The following LHFPL6 variants were observed in gnomAD, a reference collection of about 807,000 sequenced individuals.
LHFPL6 encodes the protein LHFPL tetraspan subfamily member 6.
LHFPL6 carries 9 observed loss-of-function variants against 20.6 expected under a neutral mutation model. That is an observed-to-expected ratio of 0.44 (90% CI 0.26 to 0.76). LHFPL6 has a LOEUF of 0.76. Ranked by LOEUF, LHFPL6 falls within the 30% of genes least tolerant of loss-of-function variation. The pLI, the probability that LHFPL6 is intolerant of heterozygous loss-of-function variation, is 0.20. For synonymous variants in LHFPL6, 105 were observed against 98.7 expected (o/e 1.06, Z -0.38); for missense variants, 218 against 253.5 (o/e 0.86, Z 0.95).
At chr13:39,554,277 G>C (rs1169555421) in intron 2 of LHFPL6, among the ~76,000 whole-genome samples, 1 of 152,088 alleles carries the variant, frequency 6.6e-6, no homozygotes, top group African/African-American at 2.4e-5. Context: ...CATACCACAA[G>C]TAAAAGTCTT....
intron 2 of LHFPL6, among the ~76,000 whole-genome samples, chr13:39,515,952 C>A (rs1440178919): frequency 6.6e-6 from 1 of 152,314 alleles, no homozygotes; most frequent in Middle Eastern, 3.4e-3. Flanking sequence ...AAGAGTTATA[C>A]ATAATTACAG....
intron 2 of LHFPL6, among the ~76,000 whole-genome samples, chr13:39,544,454 G>A (rs758412155): frequency 6.6e-6 from 1 of 152,190 alleles, no homozygotes; most frequent in African/African-American, 2.4e-5. Context: ...ATGAATAGAA[G>A]ATAGCCTCCC....
At chr13:39,524,345 A>AAG (rs1555266391) in intron 2 of LHFPL6, among the ~76,000 whole-genome samples, 1 of 6,422 alleles carries the variant, frequency 1.6e-4, no homozygotes, top group Non-Finnish European at 2.9e-4. Flanking sequence ...TAAGGCCTAG[A>AAG]AAAAAAAAAA....
intron 2 of LHFPL6, among the ~76,000 whole-genome samples, chr13:39,516,406 T>TC (rs1869918839): frequency 6.6e-6 from 1 of 152,248 alleles, no homozygotes; most frequent in Non-Finnish European, 1.5e-5. Flanking sequence ...GATTTTGCTG[T>TC]CATGGGGTAA....
At chr13:39,553,649 C>A (rs1024270945) in intron 2 of LHFPL6, among the ~76,000 whole-genome samples, 1 of 152,204 alleles carries the variant, frequency 6.6e-6, no homozygotes, top group East Asian at 1.9e-4. Context: ...CAGTGTGAGG[C>A]TGCAGTGAAC....
intron 2 of LHFPL6, among the ~76,000 whole-genome samples, chr13:39,591,968 C>T (rs1219194604): frequency 7.2e-5 from 11 of 152,034 alleles, no homozygotes; most frequent in Middle Eastern, 3.4e-3. Flanking sequence ...TGATGGCAGG[C>T]GCCTGTAATC....
intron 2 of LHFPL6, among the ~76,000 whole-genome samples, chr13:39,574,809 C>T (rs563272636): frequency 1.1e-4 from 16 of 152,064 alleles, no homozygotes; most frequent in South Asian, 4.2e-4. Context: ...TGGTGGCTCA[C>T]GCCTATAATC....
At chr13:39,512,409 T>G (rs1869743807) in intron 2 of LHFPL6, among the ~76,000 whole-genome samples, 1 of 152,092 alleles carries the variant, frequency 6.6e-6, no homozygotes. Flanking sequence ...GAGACCATCC[T>G]GGCTAACACG....
intron 3 of LHFPL6, among the ~76,000 whole-genome samples, chr13:39,373,112 T>C (rs527428348): frequency 6.6e-6 from 1 of 152,270 alleles, no homozygotes; most frequent in East Asian, 1.9e-4. Flanking sequence ...AAATATGAGA[T>C]AGCAACTAAA....
chr13:39,382,367 G>A (rs1195274842), intron 2 of LHFPL6, among the ~76,000 whole-genome samples: 1 of 152,130 alleles, frequency 6.6e-6, no homozygotes, highest in Non-Finnish European at 1.5e-5. Context: ...GCCAAACCTA[G>A]AGTAGGTTAC....
rs71732995 is a variant in LHFPL6 at position 39,374,546 on chromosome 13, T to TA, written c.484+3881dup. On this transcript the variant is annotated intron_variant, in intron 3 of 3. Transcript: ENST00000379589. ...GAATCTAAAATAAAAGTTGAAATTA[T>TA]AAAAAAAAAAAAGTTCTATTGGGGC... 5.0e-3 allele frequency among the ~76,000 whole-genome samples: 722 copies of TA among 145,542 alleles called. 3 individuals are homozygous for TA. Among genetic ancestry groups the TA allele is most frequent in the African/African-American group, 0.013 (497 of 39,506 alleles).
At chr13:39,535,363 C>T (rs1051784774) in intron 2 of LHFPL6, among the ~76,000 whole-genome samples, 2 of 152,230 alleles carry the variant, frequency 1.3e-5, no homozygotes, top group African/African-American at 2.4e-5. Context: ...GCTCCAAGCT[C>T]AACACAGCAG....
intron 2 of LHFPL6, among the ~76,000 whole-genome samples, chr13:39,424,081 TA>T (rs1871573915): frequency 6.6e-6 from 1 of 152,212 alleles, no homozygotes. Context: ...TTATATATGA[TA>T]CACAACACAT....
intron 2 of LHFPL6, among the ~76,000 whole-genome samples, chr13:39,458,418 C>A (rs560855160): frequency 5.6e-4 from 85 of 152,170 alleles, no homozygotes; most frequent in African/African-American, 2.0e-3. Context: ...GCAAGCAAGC[C>A]AGGCGCGGTG....
At chr13:39,564,261 G>T (rs1359170311) in intron 2 of LHFPL6, among the ~76,000 whole-genome samples, 2 of 152,182 alleles carry the variant, frequency 1.3e-5, no homozygotes, top group African/African-American at 4.8e-5. Flanking sequence ...GCTTAATGGG[G>T]AGTATTTGAT....
At chr13:39,366,301 A>G (rs1243580185) in intron 3 of LHFPL6, among the ~76,000 whole-genome samples, 6 of 152,210 alleles carry the variant, frequency 3.9e-5, no homozygotes, top group Non-Finnish European at 5.9e-5. Context: ...AATTTCACCA[A>G]TGAAAGTCCA....
intron 2 of LHFPL6, among the ~76,000 whole-genome samples, chr13:39,566,881 A>C (rs1326301191): frequency 6.6e-6 from 1 of 152,086 alleles, no homozygotes; most frequent in East Asian, 1.9e-4. Flanking sequence ...ACAAATAATA[A>C]TACTTAATTT....
chr13:39,462,183 CT>C (rs778621132), intron 2 of LHFPL6, among the ~76,000 whole-genome samples: 4 of 152,170 alleles, frequency 2.6e-5, no homozygotes, highest in African/African-American at 4.8e-5. Context: ...TATTAGGTCT[CT>C]CTTCAGAAAG....
chr13:39,553,556 A>C (rs1346537319), intron 2 of LHFPL6, among the ~76,000 whole-genome samples: 2 of 152,136 alleles, frequency 1.3e-5, no homozygotes, highest in Admixed American at 6.5e-5. Context: ...TACAAAAAAA[A>C]ATATTTTTTT....
Sources: gnomAD v4.1 joint callset for allele counts (sites outside exome capture counted in the v4.1 genomes callset) on GRCh38, gnomAD v4.1.1 for gene constraint, MANE v1.5 for transcripts, NCBI Gene and HGNC (gene_info 2026-07-23, HGNC 2026-07-21) for gene names.